Variants in CDH13 observed in about 807,000 individuals in gnomAD.
CDH13 encodes the protein cadherin 13, also known as cadherin-13.
CDH13 carries 24 observed loss-of-function variants against 63.8 expected under a neutral mutation model. That is an observed-to-expected ratio of 0.38 (90% confidence interval 0.27 to 0.53). The LOEUF is 0.53. Among genes scored for constraint, CDH13 ranks in the 20% least tolerant of loss-of-function variants. The pLI is 0.85. For missense variants in CDH13, 1,049 were observed against 903.1 expected (o/e 1.16, Z -2.07); for synonymous variants, 503 against 355.3 (o/e 1.42, Z -4.67).
rs901754001 is a variant in CDH13, at chr16:83,294,600, G to GTA, written c.637-50260_637-50259dup. On this transcript the variant is annotated intron_variant, in intron 5 of 13. Transcript: ENST00000567109. ...TCATATAATATATACATATATATGTGTATGTGTGTGTGTGTGTGTATATAT... is the reference window on the plus strand; with the variant it reads ...TCATATAATATATACATATATATGTGTATATGTGTGTGTGTGTGTGTATATAT... 4.2e-5 allele frequency among the ~76,000 whole-genome samples: 5 copies of GTA among 118,604 alleles called. No individual in the cohort carries two copies. In the South Asian group the frequency reaches 1.7e-3, roughly 40 times the overall value. The allele number at this position is 118,604 out of a possible 152,430, so 77.8% of individuals were successfully genotyped here. A position where few individuals can be genotyped will look rare whatever the true frequency, so the allele number is the denominator to read the frequency against.
At chr16:83,630,461 T>A (rs1910676664) in intron 8 of CDH13, among the ~76,000 whole-genome samples, 1 of 152,154 alleles carries the variant, frequency 6.6e-6, no homozygotes, top group Admixed American at 6.5e-5. Flanking sequence ...AGATGTATAT[T>A]GGTTCAGTCT....
intron 1 of CDH13, among the ~76,000 whole-genome samples, chr16:82,666,487 G>A (rs1425632499): frequency 6.6e-6 from 1 of 152,206 alleles, no homozygotes; most frequent in Non-Finnish European, 1.5e-5. Flanking sequence ...GGTACCTTGA[G>A]CTAACCTCTC....
chr16:83,124,691 G>A (rs971761160), intron 3 of CDH13, among the ~76,000 whole-genome samples: 4 of 152,004 alleles, frequency 2.6e-5, no homozygotes, highest in Non-Finnish European at 4.4e-5. Context: ...TTTGTATATG[G>A]TGAAAGCTGT....
At chr16:83,497,745 G>A (rs932053551) in intron 7 of CDH13, among the ~76,000 whole-genome samples, 7 of 152,104 alleles carry the variant, frequency 4.6e-5, no homozygotes, top group South Asian at 4.1e-4. Context: ...TTTGACCAAC[G>A]GGCCATAGTT....
chr16:83,234,795 A>C (rs1436308876), intron 5 of CDH13, among the ~76,000 whole-genome samples: 11 of 152,246 alleles, frequency 7.2e-5, no homozygotes, highest in Admixed American at 1.3e-4. Context: ...AACTGAGCTT[A>C]GGAAAGTGTC....
At chr16:82,721,114 A>C (rs572933074) in intron 1 of CDH13, among the ~76,000 whole-genome samples, 2 of 152,318 alleles carry the variant, frequency 1.3e-5, no homozygotes, top group East Asian at 3.9e-4. Context: ...TTCAATGACC[A>C]GTCATTCCTC....
At position 82,842,108 on chromosome 16, in the gene CDH13, A is replaced by ATG. The variant is rs1302081942; in HGVS notation, c.46-16253_46-16252insGT. 7.7e-4 allele frequency among the ~76,000 whole-genome samples: 31 copies of ATG among 40,186 alleles called. 1 individual carries two copies. The highest frequency in any genetic ancestry group is 1.8e-3 in the South Asian group (2 of 1,118). 26.4% of individuals were successfully genotyped at this position (40,186 alleles called of 152,430 possible). Reference sequence around the variant, plus strand: ...GCATTCTACATATATATATATATATATATGTATATATATATATATATATAT... The same window carrying ATG: ...GCATTCTACATATATATATATATATATGTATGTATATATATATATATATATAT... On this transcript the variant is annotated intron_variant, in intron 1 of 13. Coordinates refer to ENST00000567109, the MANE Select transcript of CDH13 (RefSeq NM_001257.5).
chr16:83,329,883 T>A (rs948030424), intron 5 of CDH13, among the ~76,000 whole-genome samples: 1 of 152,240 alleles, frequency 6.6e-6, no homozygotes, highest in Non-Finnish European at 1.5e-5. Flanking sequence ...TGAATAGTGT[T>A]TGTATTGAAT....
intron 4 of CDH13, among the ~76,000 whole-genome samples, chr16:83,157,200 C>T (rs886230647): frequency 1.3e-5 from 2 of 152,010 alleles, no homozygotes; most frequent in Non-Finnish European, 2.9e-5. Flanking sequence ...AGCTAATTAC[C>T]ACACAGTCTA....
intron 2 of CDH13, among the ~76,000 whole-genome samples, chr16:82,989,372 G>A (rs1205358348): frequency 2.0e-5 from 3 of 152,214 alleles, no homozygotes; most frequent in Non-Finnish European, 1.5e-5. Flanking sequence ...AGCTGACTGT[G>A]GAGGTGCTGT....
chr16:83,673,791 G>T (rs1474730953), intron 9 of CDH13, among the ~76,000 whole-genome samples: 1 of 152,222 alleles, frequency 6.6e-6, no homozygotes, highest in Non-Finnish European at 1.5e-5. Flanking sequence ...TGGTTCTGTT[G>T]TTCACAGGGC....
chr16:83,191,270 G>T (rs1233942169), intron 4 of CDH13, among the ~76,000 whole-genome samples: 1 of 145,874 alleles, frequency 6.9e-6, no homozygotes, highest in Non-Finnish European at 1.5e-5. Context: ...CAAATCACAA[G>T]TGTTAATAGT....
Position 82,858,297 on chromosome 16 carries a change from G to C in CDH13, c.46-65G>C, listed in dbSNP as rs141466256. Reference sequence around the variant, plus strand: ...GCTTGTTTCTAAAAGTTGCGGATTTGGCGAAAGTTAGCAGGGCAAACACAT... The same window carrying C: ...GCTTGTTTCTAAAAGTTGCGGATTTCGCGAAAGTTAGCAGGGCAAACACAT... On this transcript the variant is annotated intron_variant, in intron 1 of 13. Coordinates refer to ENST00000567109, the MANE Select transcript of CDH13 (RefSeq NM_001257.5). 2,777 of 1,066,120 alleles carry C rather than the reference G, an allele frequency of 2.6e-3. 23 individuals carry two copies. Among genetic ancestry groups the C allele is most frequent in the Middle Eastern group, 0.013 (64 of 4,866 alleles). 66.0% of individuals were successfully genotyped at this position (1,066,120 alleles called of 1,614,324 possible). A position where few individuals can be genotyped will look rare whatever the true frequency, so the allele number is the denominator to read the frequency against.
At chr16:83,501,983 C>G (rs1259530995) in intron 7 of CDH13, among the ~76,000 whole-genome samples, 1 of 152,196 alleles carries the variant, frequency 6.6e-6, no homozygotes, top group Non-Finnish European at 1.5e-5. Flanking sequence ...ATCTGTGAAT[C>G]TGAGCTCTGC....
intron 7 of CDH13, among the ~76,000 whole-genome samples, chr16:83,525,060 A>G (rs534789054): frequency 1.3e-5 from 2 of 152,316 alleles, no homozygotes; most frequent in South Asian, 4.1e-4. Context: ...GGTCTGATGC[A>G]CACAGTGGAA....
chr16:83,499,722 C>T (rs768983122), intron 7 of CDH13, among the ~76,000 whole-genome samples: 9 of 152,216 alleles, frequency 5.9e-5, no homozygotes, highest in Admixed American at 2.6e-4. Flanking sequence ...AATAGCTGAG[C>T]ATGAGCTATT....
chr16:83,381,437 C>A (rs1038710827), intron 6 of CDH13, among the ~76,000 whole-genome samples: 2 of 152,096 alleles, frequency 1.3e-5, no homozygotes, highest in African/African-American at 2.4e-5. Context: ...CGTTCCCTAT[C>A]CATGTTCATG....
At chr16:82,769,769 G>A (rs960023362) in intron 1 of CDH13, among the ~76,000 whole-genome samples, 1 of 152,142 alleles carries the variant, frequency 6.6e-6, no homozygotes, top group African/African-American at 2.4e-5. Context: ...CATTGACCTG[G>A]CTTTTCTAAT....
intron 5 of CDH13, among the ~76,000 whole-genome samples, chr16:83,321,383 T>C (rs1308265995): frequency 6.6e-6 from 1 of 152,160 alleles, no homozygotes; most frequent in Non-Finnish European, 1.5e-5. Flanking sequence ...TCACCCTTCA[T>C]TGGCATCGGA....
Sources: allele counts gnomAD v4.1 joint callset (sites outside exome capture counted in the v4.1 genomes callset), GRCh38; gene constraint gnomAD v4.1.1; transcripts MANE v1.5; gene names NCBI Gene and HGNC (gene_info 2026-07-23, HGNC 2026-07-21).